The following SYCE2 variants were observed in gnomAD, a reference collection of about 807,000 sequenced individuals.
SYCE2 encodes the protein synaptonemal complex central element protein 2, also known as central element synaptonemal complex 1.
Under a neutral mutation model 27.9 loss-of-function variants are expected in SYCE2, and 3 were observed. The ratio of observed to expected loss-of-function variants is 0.11; its 90% confidence interval spans 0.05 to 0.28. The LOEUF is 0.28. SYCE2 is among the 10% of genes least tolerant of loss of function. The pLI is 1.00. For missense variants in SYCE2, 207 were observed against 263.5 expected, an observed-to-expected ratio of 0.79 and a Z score of 1.48; for synonymous variants, 85 against 100.7, an observed-to-expected ratio of 0.84 and a Z score of 0.93.
chr19:12,904,507 G>A lies in SYCE2; in HGVS notation c.291C>T (p.Asn97=), dbSNP rs749360793. ...AGTCTGTCACCTTGGTCTTCAGGCT[G>A]TTCCTGAAGTTGGTCATGAGTGCAT... The part of the protein sequence containing the change: ...KDHALMTNFR[N]SLKTKVSDLT... Residue 97 remains asparagine, a synonymous_variant, in exon 3 of 6, where the codon AAC becomes AAT. Coordinates refer to ENST00000293695, the MANE Select transcript of SYCE2 (RefSeq NM_001105578.2). The A allele has an allele frequency of 3.5e-5, 57 of 1,613,972 alleles. No homozygotes were observed. Among genetic ancestry groups the A allele is most frequent in the Admixed American group, 5.0e-5 (3 of 59,984 alleles).
chr19:12,898,928 C>T lies in SYCE2; in HGVS notation c.*413G>A, dbSNP rs1042600529. ...GGGGTGTGGGATTCTCTGGGAGAGG[C>T]GGCTTCAGATGGGCAGAGGTCAGCT... On this transcript the variant is annotated 3_prime_UTR_variant, in exon 6 of 6. Transcript: ENST00000293695. The T allele has an allele frequency of 1.1e-4, 27 of 234,828 alleles. No homozygotes were observed. Among genetic ancestry groups the T allele is most frequent in the Admixed American group, 6.7e-4 (13 of 19,548 alleles). 14.5% of individuals were successfully genotyped at this position (234,828 alleles called of 1,614,324 possible). A position where few individuals can be genotyped will look rare whatever the true frequency, so the allele number is the denominator to read the frequency against.
In SYCE2 at chr19:12,900,441, CCT is replaced by C; in HGVS notation, c.495+17_495+18del. 1.9e-6 allele frequency: 3 copies of C among 1,609,358 alleles called. No individual in the cohort carries two copies. Among genetic ancestry groups the C allele is most frequent in the Non-Finnish European group, 2.5e-6 (3 of 1,177,540 alleles). On this transcript the variant is annotated intron_variant, in intron 4 of 5. Transcript: ENST00000293695. The stretch of plus-strand genomic sequence containing the variant: ...GTCCTCTTCCTCAGGCAGCGCCCCC[CCT>C]GTGAGTTTACTCATACCTCAGGCTG...
intron 2 of SYCE2, among the ~76,000 whole-genome samples, chr19:12,915,531 G>A (rs1231363686): frequency 6.6e-6 from 1 of 151,494 alleles, no homozygotes; most frequent in East Asian, 1.9e-4. Context: ...GAATCTGGGA[G>A]GGGGAGGTTG....
intron 2 of SYCE2, among the ~76,000 whole-genome samples, chr19:12,905,556 C>T (rs1241500329): frequency 1.3e-5 from 2 of 152,182 alleles, no homozygotes; most frequent in Non-Finnish European, 2.9e-5. Context: ...TGGTCTCCAT[C>T]TCCTGACCTC....
At chr19:12,904,245 T>G (rs1369345126) in intron 3 of SYCE2, among the ~76,000 whole-genome samples, 6 of 152,182 alleles carry the variant, frequency 3.9e-5, no homozygotes, top group Admixed American at 3.3e-4. Context: ...TGTAGGACTA[T>G]TCTAAGGGTA....
intron 2 of SYCE2, among the ~76,000 whole-genome samples, chr19:12,910,035 T>C (rs1971014573): frequency 6.6e-6 from 1 of 151,816 alleles, no homozygotes; most frequent in African/African-American, 2.4e-5. Context: ...CCCAGCTAAT[T>C]TTTGTATTTT....
At chr19:12,899,610 C>A in intron 5 of SYCE2, 1 of 1,613,398 alleles carries the variant, frequency 6.2e-7, no homozygotes, top group South Asian at 1.1e-5. Context: ...ACCGTAGGAG[C>A]GCTGTGCTCT....
intron 3 of SYCE2, among the ~76,000 whole-genome samples, chr19:12,903,037 C>CAAAAAA (rs767887340): frequency 1.8e-5 from 1 of 56,726 alleles, no homozygotes; most frequent in African/African-American, 5.6e-5. Flanking sequence ...GACTCTGTCT[C>CAAAAAA]AAAAAAAAAA....
intron 2 of SYCE2, among the ~76,000 whole-genome samples, chr19:12,905,002 T>TA (rs761242279): frequency 0.028 from 3,919 of 138,932 alleles, 167 homozygotes; most frequent in African/African-American, 0.095. Context: ...AGACTCCGTC[T>TA]AAAAAAAAAA....
chr19:12,898,939 G>A lies in SYCE2; in HGVS notation c.*402C>T, dbSNP rs1970763927. On this transcript the variant is annotated 3_prime_UTR_variant, in exon 6 of 6. Transcript: ENST00000293695. ...TTCTCTGGGAGAGGCGGCTTCAGAT[G>A]GGCAGAGGTCAGCTGAGGCAAGTGA... 2 of 253,090 alleles carry A rather than the reference G, an allele frequency of 7.9e-6. No individual in the cohort carries two copies. Among genetic ancestry groups the A allele is most frequent in the Admixed American group, 1.0e-4 (2 of 19,916 alleles). The allele number at this position is 253,090 out of a possible 1,614,324, so 15.7% of individuals were successfully genotyped here. A position where few individuals can be genotyped will look rare whatever the true frequency, so the allele number is the denominator to read the frequency against.
chr19:12,909,262 T>C (rs1971000782), intron 2 of SYCE2, among the ~76,000 whole-genome samples: 1 of 152,128 alleles, frequency 6.6e-6, no homozygotes, highest in African/African-American at 2.4e-5. Context: ...TTGGATTCTA[T>C]CATCTAAATT....
chr19:12,910,933 T>C (rs1335442088), intron 2 of SYCE2, among the ~76,000 whole-genome samples: 1 of 151,986 alleles, frequency 6.6e-6, no homozygotes, highest in African/African-American at 2.4e-5. Flanking sequence ...CGTCTCGGCC[T>C]CCCAAAGTGC....
At chr19:12,902,260 AC>A (rs1970853766) in intron 3 of SYCE2, among the ~76,000 whole-genome samples, 1 of 152,152 alleles carries the variant, frequency 6.6e-6, no homozygotes, top group African/African-American at 2.4e-5. Flanking sequence ...GATGCATGTC[AC>A]AAAACTGTAC....
At chr19:12,909,449 A>G (rs1971004331) in intron 2 of SYCE2, among the ~76,000 whole-genome samples, 2 of 152,150 alleles carry the variant, frequency 1.3e-5, no homozygotes, top group African/African-American at 4.8e-5. Flanking sequence ...ATAAAAAGCC[A>G]CCTGGTTCCC....
chr19:12,899,468 G>A, intron 5 of SYCE2, 83 bp from the exon 6 acceptor site: 1 of 1,614,128 alleles, frequency 6.2e-7, no homozygotes, highest in Non-Finnish European at 8.5e-7. Context: ...TCTTGTCCAG[G>A]TACACATGAC....
intron 2 of SYCE2, among the ~76,000 whole-genome samples, chr19:12,908,357 C>T (rs1970979296): frequency 6.8e-6 from 1 of 148,060 alleles, no homozygotes; most frequent in Non-Finnish European, 1.5e-5. Context: ...CAGAGTCTCG[C>T]TCTGTCACCG....
At position 12,918,446 on chromosome 19, in the gene SYCE2, G is replaced by C. The variant is rs543285278; in HGVS notation, c.16-109C>G. ...CACCTCGATGTGCTGCTGCGGGACG[G>C]TGGGGACCCGCAGGAAAGACGGGCA... On this transcript the variant is annotated intron_variant, in intron 1 of 5. Coordinates refer to ENST00000293695, the MANE Select transcript of SYCE2 (RefSeq NM_001105578.2). The C allele has an allele frequency of 2.6e-4, 260 of 990,102 alleles. No individual in the cohort carries two copies. The African/African-American group carries it at 3.8e-3, about 15-fold the overall frequency. The allele number at this position is 990,102 out of a possible 1,614,324, so 61.3% of individuals were successfully genotyped here.
At position 12,904,585 on chromosome 19, in the gene SYCE2, C is replaced by A. The variant is rs61743176; in HGVS notation, c.213G>T (p.Gln71His). The A allele has an allele frequency of 1.4e-4, 233 of 1,614,006 alleles. No individual in the cohort carries two copies. The highest frequency in any genetic ancestry group is 1.8e-4 in the Admixed American group (11 of 59,980). ...TTTCGATCAGCTCCTGGGCTCTCTT[C>A]TGCAGGATGTCAATGCTTGAGTCCA... ...SSLDSSIDILQKRAQELIENI... is the reference protein window; with the variant it reads ...SSLDSSIDILHKRAQELIENI... The change falls in exon 3 of 6, where the codon CAG becomes CAT. Residue 71 changes from glutamine (Q) to histidine (H), a missense_variant. Coordinates refer to ENST00000293695, the MANE Select transcript of SYCE2 (RefSeq NM_001105578.2).
At chr19:12,908,526 G>A (rs1367399372) in intron 2 of SYCE2, among the ~76,000 whole-genome samples, 4 of 151,652 alleles carry the variant, frequency 2.6e-5, no homozygotes, top group African/African-American at 7.3e-5. Context: ...GGGTTTCACC[G>A]TGTTAGCCAG....
Sources: gnomAD v4.1 joint callset for allele counts (sites outside exome capture counted in the v4.1 genomes callset) on GRCh38, gnomAD v4.1.1 for gene constraint, MANE v1.5 for transcripts, NCBI Gene and HGNC (gene_info 2026-07-23, HGNC 2026-07-21) for gene names.